The following FNDC4 variants were observed in gnomAD, a reference collection of about 807,000 sequenced individuals.
FNDC4 encodes the protein fibronectin type III domain containing 4, also known as fibronectin type III domain-containing protein 4.
In FNDC4, 11 loss-of-function variants were observed where a neutral mutation model predicts 25.1. The ratio of observed to expected loss-of-function variants is 0.44; its 90% CI spans 0.28 to 0.73. FNDC4 has a LOEUF of 0.73. Among genes scored for constraint, FNDC4 ranks in the 30% least tolerant of loss-of-function variants. The probability of loss-of-function intolerance (pLI) is 0.16; values close to 1 mark genes in which losing one functional copy is unlikely to be tolerated. For synonymous variants in FNDC4, 136 were observed against 118.8 expected, an observed-to-expected ratio of 1.14 and a Z score of -0.94; for missense variants, 250 against 304.3, an observed-to-expected ratio of 0.82 and a Z score of 1.33.
chr2:27,493,347 C>T (rs1363792362), intron 5 of FNDC4, 42 bp downstream of exon 5: 2 of 1,513,880 alleles, frequency 1.3e-6, no homozygotes. Flanking sequence ...CCACCTCACA[C>T]CTTTACTGAG....
chr2:27,492,487 G>A lies in FNDC4; in HGVS notation c.670-9C>T, dbSNP rs1260456386. 1 of 1,613,460 alleles carries A rather than the reference G, an allele frequency of 6.2e-7. No individual in the cohort carries two copies. Among genetic ancestry groups the A allele is most frequent in the East Asian group, 2.2e-5 (1 of 44,886 alleles). On this transcript the variant is annotated splice_polypyrimidine_tract_variant and intron_variant, in intron 6 of 6. Transcript: ENST00000264703. The surrounding 1 kb of genome is among the most constrained non-coding windows in gnomAD (Gnocchi z 4.1). ...ATAGATGGTGACTTTTTCTGTGAAA[G>A]AAAATGGCCTGAGTCTCAACTTCAG... is the stretch of plus-strand genomic sequence containing the variant.
chr2:27,492,299 G>T lies in FNDC4; in HGVS notation c.*144C>A. 2 of 1,008,162 alleles carry T rather than the reference G, an allele frequency of 2.0e-6. No individual in the cohort carries two copies. Among genetic ancestry groups the T allele is most frequent in the Non-Finnish European group, 3.1e-6 (2 of 640,926 alleles). 62.5% of individuals were successfully genotyped at this position (1,008,162 alleles called of 1,614,324 possible). A position where few individuals can be genotyped will look rare whatever the true frequency, so the allele number is the denominator to read the frequency against. On this transcript the variant is annotated 3_prime_UTR_variant, in exon 7 of 7. Transcript: ENST00000264703. The surrounding 1 kb of genome is among the most constrained non-coding windows in gnomAD (Gnocchi z 4.1). ...CTACCTTCTGGCTCTGCTCACAGTG[G>T]AAAGAGGATGGGTACCAGGCCTGAG...
At position 27,494,126 on chromosome 2, in the gene FNDC4, A is replaced by G; in HGVS notation, c.258T>C (p.Asn86=). ...CCCGAATCACACGCTGCCCGGGGCC[A>G]TTCTGCCGCTGCAGGGAGATGAGGG... ...IGYSISQQRQ[N]GPGQRVIREV... is the part of the protein sequence containing the mutation. The change falls in exon 4 of 7, where the codon AAT becomes AAC. Residue 86 remains asparagine, a synonymous_variant. Transcript: ENST00000264703. This position sits in a 1 kb window ranked among gnomAD's most constrained non-coding sequence, Gnocchi z 4.6. 1 of 1,613,832 alleles carries G rather than the reference A, an allele frequency of 6.2e-7. No homozygotes were observed. The highest frequency in any genetic ancestry group is 8.5e-7 in the Non-Finnish European group (1 of 1,179,944).
At chr2:27,493,855 G>T (rs1669316073) in intron 4 of FNDC4, 75 bp downstream of exon 4, 2 of 1,330,266 alleles carry the variant, frequency 1.5e-6, no homozygotes, top group African/African-American at 1.4e-5. Flanking sequence ...CTAGTCTGTT[G>T]CTTGTCTTGG....
chr2:27,493,345 C>T, intron 5 of FNDC4, 44 bp downstream of exon 5: 1 of 1,499,822 alleles, frequency 6.7e-7, no homozygotes, highest in Non-Finnish European at 9.3e-7. Flanking sequence ...TGCCACCTCA[C>T]ACCTTTACTG....
Position 27,494,119 on chromosome 2 carries a change from C to T in FNDC4, c.265G>A (p.Gly89Arg), listed in dbSNP as rs1255862925. 4.3e-6 allele frequency: 7 copies of T among 1,613,782 alleles called. No individual in the cohort carries two copies. Among genetic ancestry groups the T allele is most frequent in the Non-Finnish European group, 5.9e-6 (7 of 1,179,984 alleles). ...TTCACCTCCCGAATCACACGCTGCCCGGGGCCATTCTGCCGCTGCAGGGAG... is the reference window on the plus strand; with the variant it reads ...TTCACCTCCCGAATCACACGCTGCCTGGGGCCATTCTGCCGCTGCAGGGAG... The part of the protein sequence containing the change: ...SISQQRQNGP[G>R]QRVIREVNTT... The change falls in exon 4 of 7, where the codon GGG becomes AGG. Residue 89 changes from glycine to arginine, a missense_variant. Transcript: ENST00000264703. The surrounding 1 kb of genome is among the most constrained non-coding windows in gnomAD (Gnocchi z 4.6).
Position 27,494,292 on chromosome 2 carries a change from T to C in FNDC4, c.249+59A>G, listed in dbSNP as rs1669328119. 3.4e-6 allele frequency: 5 copies of C among 1,492,304 alleles called. No individual in the cohort carries two copies. The highest frequency in any genetic ancestry group is 4.7e-6 in the Non-Finnish European group (5 of 1,074,442). The allele number at this position is 1,492,304 out of a possible 1,614,324, so 92.4% of individuals were successfully genotyped here. ...AGCTTCCAGATCCCCCCCACTTAAG[T>C]GAAGAAATGTGCCGAAATCCAAGGA... On this transcript the variant is annotated intron_variant, in intron 3 of 6. Coordinates refer to ENST00000264703, the MANE Select transcript of FNDC4 (RefSeq NM_022823.3). The surrounding 1 kb of genome is among the most constrained non-coding windows in gnomAD (Gnocchi z 4.6).
chr2:27,492,313 A>C lies in FNDC4; in HGVS notation c.*130T>G. ...TGCTCACAGTGGAAAGAGGATGGGT[A>C]CCAGGCCTGAGATTGTGGGAGTGGC... On this transcript the variant is annotated 3_prime_UTR_variant, in exon 7 of 7. Coordinates refer to ENST00000264703, the MANE Select transcript of FNDC4 (RefSeq NM_022823.3). The surrounding 1 kb of genome is among the most constrained non-coding windows in gnomAD (Gnocchi z 4.1). The C allele has an allele frequency of 1.2e-4, 130 of 1,069,430 alleles. No homozygotes were observed. Among genetic ancestry groups the C allele is most frequent in the Non-Finnish European group, 1.7e-4 (114 of 689,906 alleles). 66.2% of individuals were successfully genotyped at this position (1,069,430 alleles called of 1,614,324 possible). A position where few individuals can be genotyped will look rare whatever the true frequency, so the allele number is the denominator to read the frequency against.
At position 27,494,638 on chromosome 2, in the gene FNDC4, A is replaced by T. The variant is rs555533995; in HGVS notation, c.42T>A (p.Arg14=). ...GGGGCACCAGCGAAGCCATGTCCCC[A>T]CGGAGTCCGCTGGGGGGGGAACTGT... The part of the protein sequence containing the change: ...GCHSSPPSGL[R]GDMASLVPLS... Residue 14 remains arginine, a synonymous_variant, in exon 2 of 7, where the codon CGT becomes CGA. Coordinates refer to ENST00000264703, the MANE Select transcript of FNDC4 (RefSeq NM_022823.3). The surrounding 1 kb of genome is among the most constrained non-coding windows in gnomAD (Gnocchi z 4.6). 1.3e-6 allele frequency: 2 copies of T among 1,597,970 alleles called. No homozygotes were observed. Among genetic ancestry groups the T allele is most frequent in the South Asian group, 2.2e-5 (2 of 89,232 alleles).
Position 27,492,825 on chromosome 2 carries a change from C to T in FNDC4, c.545-35G>A. The T allele has an allele frequency of 6.2e-7, 1 of 1,613,252 alleles. No homozygotes were observed. Among genetic ancestry groups the T allele is most frequent in the Non-Finnish European group, 8.5e-7 (1 of 1,179,784 alleles). On this transcript the variant is annotated intron_variant, in intron 5 of 6. Coordinates refer to ENST00000264703, the MANE Select transcript of FNDC4 (RefSeq NM_022823.3). This position sits in a 1 kb window ranked among gnomAD's most constrained non-coding sequence, Gnocchi z 4.1. ...AATACAGTCTGAGCCTTCATCTCCA[C>T]TTCCCCCCTCATAGGGAGATACCTA...
chr2:27,494,844 G>A lies in FNDC4; in HGVS notation c.-25+34C>T, dbSNP rs1417342894. On this transcript the variant is annotated intron_variant, in intron 1 of 6. Transcript: ENST00000264703. The surrounding 1 kb of genome is among the most constrained non-coding windows in gnomAD (Gnocchi z 4.6). ...CTCCCGCCCCCGCATTGCCCGGGCG[G>A]CCCCAGAGTGCGGTCCGCCCTGCCC... 3.5e-6 allele frequency: 2 copies of A among 576,740 alleles called. No homozygotes were observed. Among genetic ancestry groups the A allele is most frequent in the South Asian group, 2.3e-5 (1 of 43,626 alleles). The allele number at this position is 576,740 out of a possible 1,614,324, so 35.7% of individuals were successfully genotyped here. A position where few individuals can be genotyped will look rare whatever the true frequency, so the allele number is the denominator to read the frequency against.
At chr2:27,493,304 A>G in intron 5 of FNDC4, 85 bp downstream of exon 5, 1 of 1,051,902 alleles carries the variant, frequency 9.5e-7, no homozygotes, top group Non-Finnish European at 1.5e-6. Context: ...GAGCCACTGT[A>G]TCTCTCACTT....
In FNDC4 at chr2:27,492,898, C is replaced by A; in HGVS notation, c.545-108G>T. 1 of 1,291,848 alleles carries A rather than the reference C, an allele frequency of 7.7e-7. No homozygotes were observed. The highest frequency in any genetic ancestry group is 2.3e-5 in the East Asian group (1 of 43,120). The allele number at this position is 1,291,848 out of a possible 1,614,324, so 80.0% of individuals were successfully genotyped here. A position where few individuals can be genotyped will look rare whatever the true frequency, so the allele number is the denominator to read the frequency against. ...AAGAACATCCTGAATTCCTGGTGCC[C>A]ATGCAGTCCTCCTCTCTGGGCTCTC... On this transcript the variant is annotated intron_variant, in intron 5 of 6. Transcript: ENST00000264703. The surrounding 1 kb of genome is among the most constrained non-coding windows in gnomAD (Gnocchi z 4.1).
chr2:27,493,772 C>T (rs916879396), intron 4 of FNDC4, among the ~76,000 whole-genome samples, 158 bp downstream of exon 4: 3 of 152,194 alleles, frequency 2.0e-5, no homozygotes, highest in Admixed American at 2.0e-4. Flanking sequence ...CTGTCTATAC[C>T]CAATCCCCTT....
chr2:27,492,344 C>T lies in FNDC4; in HGVS notation c.*99G>A. 1 of 1,441,362 alleles carries T rather than the reference C, an allele frequency of 6.9e-7. No homozygotes were observed. Among genetic ancestry groups the T allele is most frequent in the Admixed American group, 1.7e-5 (1 of 59,660 alleles). The allele number at this position is 1,441,362 out of a possible 1,614,324, so 89.3% of individuals were successfully genotyped here. The stretch of plus-strand genomic sequence containing the variant: ...CCTGAGATTGTGGGAGTGGCATTAC[C>T]CTCTGGGAGTCTCGGGCAGATCACC... On this transcript the variant is annotated 3_prime_UTR_variant, in exon 7 of 7. Transcript: ENST00000264703. The surrounding 1 kb of genome is among the most constrained non-coding windows in gnomAD (Gnocchi z 4.1).
In FNDC4 at chr2:27,493,459, A is replaced by G. The variant is rs768443253; in HGVS notation, c.474T>C (p.Gly158=). 2 of 1,613,642 alleles carry G rather than the reference A, an allele frequency of 1.2e-6. No individual in the cohort carries two copies. Among genetic ancestry groups the G allele is most frequent in the Admixed American group, 3.3e-5 (2 of 60,020 alleles). Residue 158 remains glycine, a synonymous_variant, in exon 5 of 7, where the codon GGT becomes GGC. Transcript: ENST00000264703. ...SSSPGDITVE[G]LDGERPLQTG... is the part of the protein sequence containing the mutation. ...TCTGCAGTGGCCGCTCTCCATCCAG[A>G]CCTTCCACTGTGATGTCACCTGAGA...
At position 27,494,325 on chromosome 2, in the gene FNDC4, TGGG is replaced by T. The variant is rs781238980; in HGVS notation, c.249+23_249+25del. 8 of 1,571,478 alleles carry T rather than the reference TGGG, an allele frequency of 5.1e-6. 1 individual carries two copies. The South Asian group carries it at 7.8e-5, about 15-fold the overall frequency. On this transcript the variant is annotated intron_variant, in intron 3 of 6. Transcript: ENST00000264703. The surrounding 1 kb of genome is among the most constrained non-coding windows in gnomAD (Gnocchi z 4.6). ...TGTGCCGAAATCCAAGGACACAGGT[TGGG>T]GGAGCAGAAGGGTGATTCATACTTG...
chr2:27,494,605 T>C lies in FNDC4; in HGVS notation c.75A>G (p.Pro25=), dbSNP rs754401374. 6.2e-6 allele frequency: 10 copies of C among 1,611,346 alleles called. No homozygotes were observed. The South Asian group carries it at 8.8e-5, about 14-fold the overall frequency. ...GCAGGAGGACCGTGGGGCTTAGATA[T>C]GGGGAAAGGGGCACCAGCGAAGCCA... ...GDMASLVPLS[P]YLSPTVLLLV... The change falls in exon 2 of 7, where the codon CCA becomes CCG. Residue 25 remains proline (P), a synonymous_variant. Coordinates refer to ENST00000264703, the MANE Select transcript of FNDC4 (RefSeq NM_022823.3). This position sits in a 1 kb window ranked among gnomAD's most constrained non-coding sequence, Gnocchi z 4.6.
chr2:27,492,690 C>T lies in FNDC4; in HGVS notation c.645G>A (p.Gln215=). The T allele has an allele frequency of 2.5e-6, 4 of 1,614,150 alleles. No individual in the cohort carries two copies. The highest frequency in any genetic ancestry group is 3.4e-6 in the Non-Finnish European group (4 of 1,180,028). Residue 215 remains glutamine, a synonymous_variant, in exon 6 of 7, where the codon CAG becomes CAA. Transcript: ENST00000264703. This position sits in a 1 kb window ranked among gnomAD's most constrained non-coding sequence, Gnocchi z 4.1. ...CCTGTCTTGTCCCCACTGGCCTTCC[C>T]TGAGGACTCTGTTCCGGCCCCTTTC... ...EKGKGPEQSP[Q]GRPVGTRQKK...
Sources: gnomAD v4.1 joint callset for allele counts (sites outside exome capture counted in the v4.1 genomes callset) on GRCh38, gnomAD v4.1.1 for gene constraint, Gnocchi (gnomAD v3.1) non-coding constraint, MANE v1.5 for transcripts, NCBI Gene and HGNC (gene_info 2026-07-23, HGNC 2026-07-21) for gene names.